Variants in ZNF804B observed in about 807,000 individuals in gnomAD.
The protein encoded by ZNF804B is zinc finger 804B.
Under a neutral mutation model 101.4 loss-of-function variants are expected in ZNF804B, and 80 were observed. That is an observed-to-expected ratio of 0.79 (90% CI 0.66 to 0.95). ZNF804B has a LOEUF of 0.95. ZNF804B is among the 40% of genes least tolerant of loss of function. The pLI is 0.00. For synonymous variants in ZNF804B, 622 were observed against 558.8 expected (o/e 1.11, Z -1.59); for missense variants, 1,673 against 1,561.9 (o/e 1.07, Z -1.20).
intron 1 of ZNF804B, among the ~76,000 whole-genome samples, chr7:88,876,034 A>C (rs1791933684): frequency 6.6e-6 from 1 of 152,222 alleles, no homozygotes; most frequent in South Asian, 2.1e-4. Flanking sequence ...GTAATCCAGC[A>C]TATAAACAGA....
chr7:88,862,593 C>T (rs1791666104), intron 1 of ZNF804B, among the ~76,000 whole-genome samples: 1 of 152,220 alleles, frequency 6.6e-6, no homozygotes, highest in South Asian at 2.1e-4. Context: ...TTGTAGATTA[C>T]TTGTAACATT....
intron 1 of ZNF804B, among the ~76,000 whole-genome samples, chr7:88,913,031 A>C (rs963850381): frequency 6.6e-6 from 1 of 152,182 alleles, no homozygotes; most frequent in African/African-American, 2.4e-5. Flanking sequence ...GGTTTTTCGA[A>C]ATGTCAACAT....
chr7:89,030,047 GT>G (rs1415676021), intron 1 of ZNF804B, among the ~76,000 whole-genome samples: 1 of 152,152 alleles, frequency 6.6e-6, no homozygotes, highest in African/African-American at 2.4e-5. Flanking sequence ...TTATAAAAGA[GT>G]TAATTAAATT....
At chr7:89,303,206 A>G (rs73208902) in intron 2 of ZNF804B, among the ~76,000 whole-genome samples, 8 of 152,020 alleles carry the variant, frequency 5.3e-5, no homozygotes, top group Non-Finnish European at 8.8e-5. Flanking sequence ...TTAACCAAGG[A>G]GAAGGCAGAT....
At chr7:89,175,239 G>A (rs968268499) in intron 1 of ZNF804B, among the ~76,000 whole-genome samples, 25 of 151,774 alleles carry the variant, frequency 1.6e-4, no homozygotes, top group Non-Finnish European at 3.5e-4. Flanking sequence ...AATTCATTTT[G>A]TTTTGATTTT....
chr7:88,977,348 A>T (rs1224463432), intron 1 of ZNF804B, among the ~76,000 whole-genome samples: 1 of 151,158 alleles, frequency 6.6e-6, no homozygotes, highest in Non-Finnish European at 1.5e-5. Flanking sequence ...ATGTTTGATA[A>T]AATTTTACAA....
intron 2 of ZNF804B, among the ~76,000 whole-genome samples, chr7:89,241,824 C>A (rs1233101118): frequency 6.7e-6 from 1 of 149,638 alleles, no homozygotes; most frequent in African/African-American, 2.5e-5. Flanking sequence ...TTCTGCAGTC[C>A]TATTTTAATC....
rs902929737 is a variant in ZNF804B, at chr7:89,167,839, T to C, written c.109-50316T>C. On this transcript the variant is annotated intron_variant, in intron 1 of 3. Transcript: ENST00000333190. ...TAACTTGTCATAAAGTTCCTTATTA[T>C]ATAAGTAACCTCATCTTTTATTATA... Among the ~76,000 whole-genome samples the C allele has an allele frequency of 7.6e-4, 115 of 152,148 alleles. 10 individuals carry two copies. The highest frequency in any genetic ancestry group is 4.4e-5 in the Non-Finnish European group (3 of 68,018).
At chr7:89,017,520 G>A (rs1337704363) in intron 1 of ZNF804B, among the ~76,000 whole-genome samples, 1 of 152,018 alleles carries the variant, frequency 6.6e-6, no homozygotes, top group Non-Finnish European at 1.5e-5. Context: ...ATTCCACATG[G>A]AGTTGAGGAT....
At chr7:89,285,431 G>T (rs1790169768) in intron 2 of ZNF804B, among the ~76,000 whole-genome samples, 1 of 148,828 alleles carries the variant, frequency 6.7e-6, no homozygotes, top group Non-Finnish European at 1.5e-5. Context: ...GCTGAGGCAG[G>T]AGAATGGCAT....
At chr7:89,106,015 A>G (rs975369820) in intron 1 of ZNF804B, among the ~76,000 whole-genome samples, 6 of 152,152 alleles carry the variant, frequency 3.9e-5, no homozygotes, top group African/African-American at 7.2e-5. Flanking sequence ...ATGCTTCCTC[A>G]GGTACAACAC....
intron 2 of ZNF804B, among the ~76,000 whole-genome samples, chr7:89,303,156 G>A (rs1449501603): frequency 1.3e-5 from 2 of 151,742 alleles, no homozygotes; most frequent in Non-Finnish European, 2.9e-5. Context: ...GTAAATAATA[G>A]CTTCTTTGAA....
chr7:89,167,635 T>C (rs1444905431), intron 1 of ZNF804B, among the ~76,000 whole-genome samples: 2 of 152,084 alleles, frequency 1.3e-5, no homozygotes, highest in African/African-American at 4.8e-5. Context: ...AAATAGTTTC[T>C]AGAATTAATG....
chr7:89,060,699 C>T lies in ZNF804B; in HGVS notation c.109-157456C>T, dbSNP rs142622901. 2.2e-3 allele frequency among the ~76,000 whole-genome samples: 342 copies of T among 152,194 alleles called. 2 individuals carry two copies. The highest frequency in any genetic ancestry group is 7.8e-3 in the African/African-American group (325 of 41,542). The stretch of plus-strand genomic sequence containing the variant: ...TTTCATCTTTGCATCATTTCCAGTA[C>T]TGAGATATATATTGTACGAAGATTT... On this transcript the variant is annotated intron_variant, in intron 1 of 3. Transcript: ENST00000333190.
chr7:88,989,382 A>G (rs1793810772), intron 1 of ZNF804B, among the ~76,000 whole-genome samples: 1 of 152,118 alleles, frequency 6.6e-6, no homozygotes, highest in Non-Finnish European at 1.5e-5. Context: ...CTTTATTCCT[A>G]TAAGATAACA....
chr7:89,315,122 G>T (rs1223289622), intron 2 of ZNF804B, among the ~76,000 whole-genome samples: 1 of 152,100 alleles, frequency 6.6e-6, no homozygotes, highest in Non-Finnish European at 1.5e-5. Flanking sequence ...AAGACGAATG[G>T]GGAGCAGGCA....
intron 2 of ZNF804B, among the ~76,000 whole-genome samples, chr7:89,222,698 A>T (rs939118329): frequency 1.3e-4 from 20 of 151,952 alleles, no homozygotes; most frequent in African/African-American, 4.6e-4. Flanking sequence ...TCTCTTTTTC[A>T]ACACATACTT....
intron 1 of ZNF804B, among the ~76,000 whole-genome samples, chr7:89,144,096 A>G (rs1046473899): frequency 5.3e-5 from 8 of 152,052 alleles, no homozygotes; most frequent in African/African-American, 1.9e-4. Flanking sequence ...TACAGTATTT[A>G]TGAAACCTCC....
At chr7:88,792,573 G>A (rs1386167612) in intron 1 of ZNF804B, among the ~76,000 whole-genome samples, 1 of 151,760 alleles carries the variant, frequency 6.6e-6, no homozygotes, top group Non-Finnish European at 1.5e-5. Context: ...TTCCTTTTTT[G>A]CTGGGAAAAT....
Sources: gnomAD v4.1 joint callset for allele counts (sites outside exome capture counted in the v4.1 genomes callset) on GRCh38, gnomAD v4.1.1 for gene constraint, MANE v1.5 for transcripts, NCBI Gene and HGNC (gene_info 2026-07-23, HGNC 2026-07-21) for gene names.